Variants in PRKG1 observed in about 807,000 individuals in gnomAD.
PRKG1 encodes the protein protein kinase cGMP-dependent 1, also known as cGMP-dependent protein kinase 1.
Under a neutral mutation model 88.1 loss-of-function variants are expected in PRKG1, and 35 were observed. That is an observed-to-expected ratio of 0.40 (90% confidence interval 0.30 to 0.53). PRKG1 has a LOEUF of 0.53. PRKG1 is among the 20% of genes least tolerant of loss of function. The pLI is 0.59. For synonymous variants in PRKG1, 303 were observed against 292.5 expected (o/e 1.04, Z -0.37); for missense variants, 540 against 839.8 (o/e 0.64, Z 4.41).
At chr10:52,190,833 C>G (rs1034643067) in intron 9 of PRKG1, among the ~76,000 whole-genome samples, 2 of 152,100 alleles carry the variant, frequency 1.3e-5, no homozygotes, top group Non-Finnish European at 1.5e-5. Context: ...GCCACAACTG[C>G]TTTGTCGAGT....
At chr10:51,466,098 T>G (rs1465349980) in intron 2 of PRKG1, among the ~76,000 whole-genome samples, 2 of 152,140 alleles carry the variant, frequency 1.3e-5, no homozygotes, top group African/African-American at 4.8e-5. Flanking sequence ...ATTTATAAAT[T>G]TTTTAACCTC....
At chr10:51,840,857 A>G (rs1251884321) in intron 4 of PRKG1, among the ~76,000 whole-genome samples, 1 of 152,082 alleles carries the variant, frequency 6.6e-6, no homozygotes, top group Non-Finnish European at 1.5e-5. Flanking sequence ...TGAACCCTCT[A>G]TTTTAAAGAG....
intron 4 of PRKG1, among the ~76,000 whole-genome samples, chr10:51,849,753 A>T (rs1284936366): frequency 6.6e-6 from 1 of 152,168 alleles, no homozygotes; most frequent in African/African-American, 2.4e-5. Context: ...TGAAATAATA[A>T]TATTATCACT....
At chr10:51,751,558 A>G (rs1300254468) in intron 3 of PRKG1, among the ~76,000 whole-genome samples, 3 of 152,200 alleles carry the variant, frequency 2.0e-5, no homozygotes, top group Non-Finnish European at 4.4e-5. Flanking sequence ...TAAGCAACAA[A>G]TAATTTTATG....
intron 3 of PRKG1, among the ~76,000 whole-genome samples, chr10:51,704,850 C>T (rs72797365): frequency 0.048 from 7,295 of 152,160 alleles, 239 homozygotes; most frequent in Non-Finnish European, 0.075. Flanking sequence ...CCTTCACCAC[C>T]CCCTGAAACA....
chr10:51,164,655 A>G (rs1161718684), intron 2 of PRKG1, among the ~76,000 whole-genome samples: 3 of 152,146 alleles, frequency 2.0e-5, no homozygotes, highest in Admixed American at 6.5e-5. Context: ...TTTGAAAAAA[A>G]TTTAGACGAA....
chr10:51,945,127 C>A (rs12245625), intron 5 of PRKG1, among the ~76,000 whole-genome samples: 10,272 of 147,722 alleles, frequency 0.07, 491 homozygotes, highest in Admixed American at 0.11. Flanking sequence ...TGCTTTATGA[C>A]TCTGGGTGCT....
At chr10:52,212,092 C>G (rs910925410) in intron 9 of PRKG1, among the ~76,000 whole-genome samples, 50 of 152,046 alleles carry the variant, frequency 3.3e-4, no homozygotes, top group Admixed American at 1.6e-3. Flanking sequence ...CGGGCACCCC[C>G]CAGAACTAGA....
intron 3 of PRKG1, among the ~76,000 whole-genome samples, chr10:51,684,756 A>G (rs1382651068): frequency 6.6e-6 from 1 of 152,002 alleles, no homozygotes. Flanking sequence ...GGCCCCAGCT[A>G]CTCAAGAGAC....
chr10:51,545,872 A>G (rs1463927471), intron 3 of PRKG1, among the ~76,000 whole-genome samples: 1 of 151,980 alleles, frequency 6.6e-6, no homozygotes, highest in Non-Finnish European at 1.5e-5. Flanking sequence ...TCAATATGAG[A>G]GTCCCTTCCC....
rs535740321 is a variant in PRKG1 at position 51,464,857 on chromosome 10, C to G, written c.479-2866C>G. Among the ~76,000 whole-genome samples the G allele has an allele frequency of 2.1e-3, 295 of 139,622 alleles. 1 individual carries two copies. Among genetic ancestry groups the G allele is most frequent in the African/African-American group, 7.5e-3 (283 of 37,908 alleles). 91.6% of individuals were successfully genotyped at this position (139,622 alleles called of 152,430 possible). A position where few individuals can be genotyped will look rare whatever the true frequency, so the allele number is the denominator to read the frequency against. On this transcript the variant is annotated intron_variant, in intron 2 of 17. Coordinates refer to ENST00000373980, the MANE Select transcript of PRKG1 (RefSeq NM_006258.4). ...AGTGAGCCGAGATCCCGCCACTGCACTCCAGCCTGGGCGACAGAGCGAGAC... is the reference window on the plus strand; with the variant it reads ...AGTGAGCCGAGATCCCGCCACTGCAGTCCAGCCTGGGCGACAGAGCGAGAC...
chr10:52,015,334 T>C (rs1845010853), intron 5 of PRKG1, among the ~76,000 whole-genome samples: 1 of 152,194 alleles, frequency 6.6e-6, no homozygotes, highest in Non-Finnish European at 1.5e-5. Flanking sequence ...TCTAAAGCAA[T>C]AGCCTGAGCT....
At chr10:52,246,096 T>C (rs988762554) in intron 9 of PRKG1, among the ~76,000 whole-genome samples, 1 of 152,200 alleles carries the variant, frequency 6.6e-6, no homozygotes, top group South Asian at 2.1e-4. Context: ...TTCCAATACA[T>C]AGGGAGAGAT....
chr10:51,168,500 A>G (rs1846609442), intron 2 of PRKG1, among the ~76,000 whole-genome samples: 1 of 152,198 alleles, frequency 6.6e-6, no homozygotes, highest in Non-Finnish European at 1.5e-5. Context: ...AATATCAAAT[A>G]GAGTAAACAT....
chr10:51,358,960 AT>A (rs1160989450), intron 2 of PRKG1, among the ~76,000 whole-genome samples: 3 of 147,590 alleles, frequency 2.0e-5, no homozygotes, highest in Middle Eastern at 3.5e-3. Flanking sequence ...GATTTTGTAG[AT>A]TTTTCCTGCA....
intron 3 of PRKG1, among the ~76,000 whole-genome samples, chr10:51,608,074 C>T (rs571853193): frequency 3.0e-4 from 46 of 152,272 alleles, no homozygotes; most frequent in Non-Finnish European, 4.6e-4. Flanking sequence ...TACTTGCTGT[C>T]GATTAAATAC....
At chr10:51,372,141 A>C (rs1842718802) in intron 2 of PRKG1, among the ~76,000 whole-genome samples, 1 of 152,188 alleles carries the variant, frequency 6.6e-6, no homozygotes, top group African/African-American at 2.4e-5. Flanking sequence ...CCTCTGTCAT[A>C]TCTCTAATGG....
In PRKG1 at chr10:51,698,259, G is replaced by A. The variant is rs530966056; in HGVS notation, c.593-106326G>A. ...TCCATTCCTCTCCTCTCCATTACAC[G>A]TGTCTCTAAGACCTCAGTTTCCATG... On this transcript the variant is annotated intron_variant, in intron 3 of 17. Coordinates refer to ENST00000373980, the MANE Select transcript of PRKG1 (RefSeq NM_006258.4). 20 of 1,613,834 alleles carry A rather than the reference G, an allele frequency of 1.2e-5. No individual in the cohort carries two copies. In the South Asian group the frequency reaches 1.4e-4, roughly 12 times the overall value.
intron 3 of PRKG1, among the ~76,000 whole-genome samples, chr10:51,768,037 G>A (rs9664263): frequency 6.6e-6 from 1 of 150,780 alleles, no homozygotes; most frequent in Admixed American, 6.6e-5. Flanking sequence ...ATAAAAAAAC[G>A]TTTTAAAATG....
Sources: allele counts gnomAD v4.1 joint callset (sites outside exome capture counted in the v4.1 genomes callset), GRCh38; gene constraint gnomAD v4.1.1; transcripts MANE v1.5; gene names NCBI Gene and HGNC (gene_info 2026-07-23, HGNC 2026-07-21).